Variants in PLEKHG7 observed in about 807,000 individuals in gnomAD.
PLEKHG7 encodes pleckstrin homology and RhoGEF domain containing G7, also known as pleckstrin homology domain-containing family G member 7.
PLEKHG7 carries 77 observed loss-of-function variants against 85.2 expected under a neutral mutation model. The observed-to-expected ratio is 0.90, with a 90% CI of 0.75 to 1.09. The LOEUF is 1.09. Among genes scored for constraint, PLEKHG7 ranks in the 50% least tolerant of loss-of-function variants. The pLI, the probability that PLEKHG7 is intolerant of heterozygous loss-of-function variation, is 0.00. For synonymous variants in PLEKHG7, 301 were observed against 302.4 expected, an observed-to-expected ratio of 1.00 and a Z score of 0.05; for missense variants, 777 against 804.3, an observed-to-expected ratio of 0.97 and a Z score of 0.41.
At chr12:92,764,513 G>A (rs1174021231) in intron 15 of PLEKHG7, among the ~76,000 whole-genome samples, 1 of 152,040 alleles carries the variant, frequency 6.6e-6, no homozygotes, top group African/African-American at 2.4e-5. Context: ...TTCAATAAAT[G>A]ATAGTTGCTA....
At chr12:92,730,212 G>A (rs1026541655) in intron 4 of PLEKHG7, among the ~76,000 whole-genome samples, 2 of 152,150 alleles carry the variant, frequency 1.3e-5, no homozygotes, top group Non-Finnish European at 2.9e-5. Flanking sequence ...ATATGATACA[G>A]TAATCCAAGT....
At chr12:92,751,205 G>A (rs1872682218) in intron 10 of PLEKHG7, among the ~76,000 whole-genome samples, 1 of 152,150 alleles carries the variant, frequency 6.6e-6, no homozygotes, top group Admixed American at 6.5e-5. Flanking sequence ...TCCTACCTCT[G>A]CCCTAGAACA....
chr12:92,733,271 C>T (rs1168139629), intron 5 of PLEKHG7, among the ~76,000 whole-genome samples: 1 of 152,166 alleles, frequency 6.6e-6, no homozygotes, highest in Non-Finnish European at 1.5e-5. Context: ...GTAACGAATG[C>T]CGTATAATGC....
In PLEKHG7 at chr12:92,755,785, T is replaced by G. The variant is rs1307451016; in HGVS notation, c.1427-40T>G. 2.3e-6 allele frequency: 3 copies of G among 1,310,282 alleles called. No individual in the cohort carries two copies. The Admixed American group carries it at 5.3e-5, about 23-fold the overall frequency. 81.2% of individuals were successfully genotyped at this position (1,310,282 alleles called of 1,614,324 possible). ...GGTTAAAATTTATACTGCAATGTCA[T>G]ATGCACCTAAAAATATACTGACTAT... On this transcript the variant is annotated intron_variant, in intron 11 of 16. Transcript: ENST00000344636.
At chr12:92,707,211 T>G (rs922873360) in intron 2 of PLEKHG7, 73 bp downstream of exon 2, 1 of 1,520,792 alleles carries the variant, frequency 6.6e-7, no homozygotes, top group Admixed American at 2.1e-5. Flanking sequence ...AGTTGCTTAG[T>G]TCCCCCAAGG....
chr12:92,710,863 C>T (rs1015293854), intron 3 of PLEKHG7, among the ~76,000 whole-genome samples: 2 of 152,140 alleles, frequency 1.3e-5, no homozygotes, highest in African/African-American at 4.8e-5. Flanking sequence ...GTCCACAGAA[C>T]GGGTCATCCT....
At chr12:92,742,927 A>G (rs1872411278) in intron 9 of PLEKHG7, among the ~76,000 whole-genome samples, 1 of 152,174 alleles carries the variant, frequency 6.6e-6, no homozygotes, top group African/African-American at 2.4e-5. Flanking sequence ...GTATACTTAG[A>G]GGCCACTAAA....
intron 9 of PLEKHG7, among the ~76,000 whole-genome samples, chr12:92,744,430 C>T (rs1872464414): frequency 6.6e-6 from 1 of 152,066 alleles, no homozygotes; most frequent in Non-Finnish European, 1.5e-5. Context: ...GCATGTAGTT[C>T]AGTGTGCTCA....
At chr12:92,740,176 C>T (rs1054793575) in intron 7 of PLEKHG7, among the ~76,000 whole-genome samples, 5 of 152,208 alleles carry the variant, frequency 3.3e-5, no homozygotes, top group African/African-American at 1.2e-4. Flanking sequence ...TTGAATGCTT[C>T]CTGTCTTATG....
intron 3 of PLEKHG7, among the ~76,000 whole-genome samples, chr12:92,715,026 A>AGAT (rs904135194): frequency 1.6e-5 from 2 of 128,830 alleles, no homozygotes; most frequent in Non-Finnish European, 3.4e-5. Flanking sequence ...TGGGATAGAT[A>AGAT]GATAGATAGA....
intron 6 of PLEKHG7, 145 bp downstream of exon 6, chr12:92,736,722 G>A (rs1872161301): frequency 2.3e-6 from 1 of 435,942 alleles, no homozygotes; most frequent in Non-Finnish European, 3.8e-6. Context: ...ACCCAGGACT[G>A]AGCAGGGCCT....
chr12:92,735,681 T>C (rs1348612989), intron 5 of PLEKHG7, among the ~76,000 whole-genome samples: 1 of 152,144 alleles, frequency 6.6e-6, no homozygotes, highest in African/African-American at 2.4e-5. Context: ...CGCAATAGAA[T>C]AGTGAATGAA....
At chr12:92,768,904 C>G (rs1873304702) in intron 15 of PLEKHG7, 79 bp from the exon 16 acceptor site, 4 of 995,026 alleles carry the variant, frequency 4.0e-6, no homozygotes, top group Non-Finnish European at 5.9e-6. Flanking sequence ...AAAACAAACC[C>G]CAGATTCTTG....
intron 10 of PLEKHG7, among the ~76,000 whole-genome samples, chr12:92,746,545 C>A (rs1284181187): frequency 6.6e-6 from 1 of 152,144 alleles, no homozygotes; most frequent in East Asian, 1.9e-4. Flanking sequence ...CATTAGATTT[C>A]CAAATGCATG....
rs754341655 is a variant in PLEKHG7, at chr12:92,770,066, ATT to A, written c.1969-16_1969-15del. ...TTAACATTCTAATCTCTATTTATGTATTTTTTTCTTTTTTTCAACAGAAAACA... is the reference window on the plus strand; with the variant it reads ...TTAACATTCTAATCTCTATTTATGTATTTTTCTTTTTTTCAACAGAAAACA... On this transcript the variant is annotated intron_variant, in intron 16 of 16. Transcript: ENST00000344636. 1 of 1,463,708 alleles carries A rather than the reference ATT, an allele frequency of 6.8e-7. No individual in the cohort carries two copies. Among genetic ancestry groups the A allele is most frequent in the East Asian group, 2.3e-5 (1 of 43,478 alleles). 90.7% of individuals were successfully genotyped at this position (1,463,708 alleles called of 1,614,324 possible).
chr12:92,741,468 G>C (rs758320870), intron 8 of PLEKHG7, 23 bp from the exon 9 acceptor site: 1 of 1,561,464 alleles, frequency 6.4e-7, no homozygotes, highest in Non-Finnish European at 8.7e-7. Context: ...GCCTATTTTT[G>C]TTTTCTTTCT....
At chr12:92,762,444 T>C (rs975888083) in intron 14 of PLEKHG7, among the ~76,000 whole-genome samples, 1 of 152,216 alleles carries the variant, frequency 6.6e-6, no homozygotes, top group African/African-American at 2.4e-5. Flanking sequence ...GAGCTAGAGC[T>C]ACAAAATCTC....
intron 13 of PLEKHG7, among the ~76,000 whole-genome samples, chr12:92,757,135 C>A (rs1435162576): frequency 1.3e-5 from 2 of 152,224 alleles, no homozygotes; most frequent in Non-Finnish European, 2.9e-5. Context: ...GGCTCACTCC[C>A]TGCTCAGCCT....
chr12:92,749,838 G>C (rs1269960127), intron 10 of PLEKHG7: 1 of 150,558 alleles, frequency 6.6e-6, no homozygotes, highest in African/African-American at 2.4e-5. Flanking sequence ...ATCCCACTAA[G>C]ACAAATTTAT....
Sources: allele counts gnomAD v4.1 joint callset (sites outside exome capture counted in the v4.1 genomes callset), GRCh38; gene constraint gnomAD v4.1.1; transcripts MANE v1.5; gene names NCBI Gene and HGNC (gene_info 2026-07-23, HGNC 2026-07-21).